The following ZRANB1 variants were observed in gnomAD, a reference collection of about 807,000 sequenced individuals.
ZRANB1 encodes ubiquitin thioesterase ZRANB1.
In ZRANB1, 16 loss-of-function variants were observed where a neutral mutation model predicts 80.5. That is an observed-to-expected ratio of 0.20 (90% CI 0.13 to 0.30). ZRANB1 has a LOEUF of 0.30. ZRANB1 is among the 10% of genes least tolerant of loss of function. The pLI, the probability that ZRANB1 is intolerant of heterozygous loss-of-function variation, is 1.00. For missense variants in ZRANB1, 576 were observed against 862.6 expected (o/e 0.67, Z 4.16); for synonymous variants, 291 against 293.1 (o/e 0.99, Z 0.07).
intron 3 of ZRANB1, 123 bp downstream of exon 3, chr10:124,972,241 T>TA: frequency 1.1e-6 from 1 of 870,194 alleles, no homozygotes; most frequent in South Asian, 1.9e-5. Flanking sequence ...CATCTTAAAT[T>TA]ACTTGACTGT....
rs1952003032 is a variant in ZRANB1 at position 124,985,055 on chromosome 10, G to C, written c.*63G>C. The C allele has an allele frequency of 7.6e-7, 1 of 1,318,072 alleles. No individual in the cohort carries two copies. 81.6% of individuals were successfully genotyped at this position (1,318,072 alleles called of 1,614,324 possible). On this transcript the variant is annotated 3_prime_UTR_variant, in exon 9 of 9. Coordinates refer to ENST00000359653, the MANE Select transcript of ZRANB1 (RefSeq NM_017580.3). ...TCTGTAATGACCCTAAAGTTAGTGTGGTGCTCCAAGCAGAGTCGACATCAT... is the reference window on the plus strand; with the variant it reads ...TCTGTAATGACCCTAAAGTTAGTGTCGTGCTCCAAGCAGAGTCGACATCAT...
In ZRANB1 at chr10:124,983,049, G is replaced by C; in HGVS notation, c.1549-126G>C. The C allele has an allele frequency of 2.2e-6, 2 of 924,476 alleles. No individual in the cohort carries two copies. The highest frequency in any genetic ancestry group is 3.2e-6 in the Non-Finnish European group (2 of 633,490). 57.3% of individuals were successfully genotyped at this position (924,476 alleles called of 1,614,324 possible). On this transcript the variant is annotated intron_variant, in intron 6 of 8. Transcript: ENST00000359653. The surrounding 1 kb of genome is among the most constrained non-coding windows in gnomAD (Gnocchi z 6.2). ...TATTTGAGGAATCAAATGCTGCTTTGACAATCTTTTCTTTCTTAAAAACCA... is the reference window on the plus strand; with the variant it reads ...TATTTGAGGAATCAAATGCTGCTTTCACAATCTTTTCTTTCTTAAAAACCA...
intron 5 of ZRANB1, among the ~76,000 whole-genome samples, chr10:124,975,944 G>T (rs1198939920): frequency 1.3e-5 from 2 of 152,226 alleles, no homozygotes; most frequent in East Asian, 3.9e-4. Flanking sequence ...AGAGGAGGTT[G>T]CAGCGAGCCA....
At chr10:124,952,198 A>G (rs74333322) in intron 1 of ZRANB1, among the ~76,000 whole-genome samples, 90 of 152,250 alleles carry the variant, frequency 5.9e-4, no homozygotes, top group Non-Finnish European at 9.4e-4. Flanking sequence ...TGAGTATGCC[A>G]CCTTACGTGG....
Position 124,942,443 on chromosome 10 carries a change from C to T in ZRANB1, c.-51C>T. On this transcript the variant is annotated 5_prime_UTR_variant, in exon 1 of 9. Transcript: ENST00000359653. The stretch of plus-strand genomic sequence containing the variant: ...ATGTAGTTATTTTAATAACCATGTC[C>T]TAATTATTTATAGCTTCCTGCCTGA... 1 of 1,607,186 alleles carries T rather than the reference C, an allele frequency of 6.2e-7. No individual in the cohort carries two copies. The highest frequency in any genetic ancestry group is 1.1e-5 in the South Asian group (1 of 90,714).
chr10:124,978,736 C>T (rs1951903478), intron 5 of ZRANB1, among the ~76,000 whole-genome samples: 3 of 151,734 alleles, frequency 2.0e-5, no homozygotes, highest in South Asian at 2.1e-4. Context: ...AAGCAATTCT[C>T]CCACCTCAGC....
chr10:124,986,176 TAAA>T lies in ZRANB1; in HGVS notation c.*1187_*1189del, dbSNP rs746335710. On this transcript the variant is annotated 3_prime_UTR_variant, in exon 9 of 9. Coordinates refer to ENST00000359653, the MANE Select transcript of ZRANB1 (RefSeq NM_017580.3). ...CTTCAGGTATACATTCAATACTGGG[TAAA>T]AATTTCAGACCTATCTCAGGAACAC... is the stretch of plus-strand genomic sequence containing the variant. 23 of 152,556 alleles carry T rather than the reference TAAA, an allele frequency of 1.5e-4. No homozygotes were observed. The highest frequency in any genetic ancestry group is 3.1e-4 in the Non-Finnish European group (21 of 68,020). 9.5% of individuals were successfully genotyped at this position (152,556 alleles called of 1,614,324 possible).
the ZRANB1 span, among the ~76,000 whole-genome samples, chr10:124,929,814 C>T: frequency 6.6e-6 from 1 of 151,786 alleles, no homozygotes; most frequent in African/African-American, 2.4e-5. Context: ...GGTTTGGTGG[C>T]ACACGCCTGT....
chr10:124,931,987 A>G, the ZRANB1 span, among the ~76,000 whole-genome samples: 1 of 152,072 alleles, frequency 6.6e-6, no homozygotes. Flanking sequence ...CCTTCCCTCT[A>G]ACTCTTGCAA....
At chr10:124,984,725 C>G (rs376988630) in intron 8 of ZRANB1, 49 bp from the exon 9 acceptor site, 1 of 1,570,040 alleles carries the variant, frequency 6.4e-7, no homozygotes, top group Non-Finnish European at 8.7e-7. Context: ...CCTACCAAGT[C>G]TCTGATCTGT....
the ZRANB1 span, among the ~76,000 whole-genome samples, chr10:124,923,060 G>A: frequency 1.3e-5 from 2 of 151,928 alleles, no homozygotes; most frequent in East Asian, 2.0e-4. Flanking sequence ...AGGCCTAGGC[G>A]GGTAGATCAC....
chr10:124,926,199 T>G, the ZRANB1 span, among the ~76,000 whole-genome samples: 1 of 152,358 alleles, frequency 6.6e-6, no homozygotes, highest in East Asian at 1.9e-4. Context: ...AGGACATTAC[T>G]ATACACCACT....
rs58255988 is a variant in ZRANB1, at chr10:124,986,291, G to GCACACACACACACACACACACACA, written c.*1308_*1331dup. 2 of 116,020 alleles carry GCACACACACACACACACACACACA rather than the reference G, an allele frequency of 1.7e-5. No individual in the cohort carries two copies. The highest frequency in any genetic ancestry group is 6.6e-5 in the African/African-American group (2 of 30,496). 7.2% of individuals were successfully genotyped at this position (116,020 alleles called of 1,614,324 possible). ...AGACGACACACGCACGCGCGCGCGCGCACACACACACACACACACACACAC... is the reference window on the plus strand; with the variant it reads ...AGACGACACACGCACGCGCGCGCGCGCACACACACACACACACACACACACACACACACACACACACACACACAC... On this transcript the variant is annotated 3_prime_UTR_variant, in exon 9 of 9. Coordinates refer to ENST00000359653, the MANE Select transcript of ZRANB1 (RefSeq NM_017580.3).
the ZRANB1 span, among the ~76,000 whole-genome samples, chr10:124,925,278 G>T: frequency 4.7e-5 from 7 of 148,716 alleles, no homozygotes; most frequent in Non-Finnish European, 9.0e-5. Flanking sequence ...GTTATTGTCT[G>T]TTTTTTTTTT....
the ZRANB1 span, among the ~76,000 whole-genome samples, chr10:124,922,281 A>AATATATATATATATATATAT: frequency 1.6e-4 from 14 of 87,434 alleles, no homozygotes; most frequent in African/African-American, 6.0e-4. Flanking sequence ...ATATATGTAA[A>AATATATATATATATATATAT]ATATATATAT....
At chr10:124,928,308 G>A in the ZRANB1 span, among the ~76,000 whole-genome samples, 1 of 152,176 alleles carries the variant, frequency 6.6e-6, no homozygotes, top group Non-Finnish European at 1.5e-5. Flanking sequence ...GGTTGGAAAG[G>A]CACTCTTAGC....
chr10:124,962,119 T>G lies in ZRANB1; in HGVS notation c.815-4475T>G, dbSNP rs1364499707. On this transcript the variant is annotated intron_variant, in intron 1 of 8. Coordinates refer to ENST00000359653, the MANE Select transcript of ZRANB1 (RefSeq NM_017580.3). ...GGTTCAGGATTAAACTATAGCCAAA[T>G]GCTTATGATATAAAAAAGTATTACT... Among the ~76,000 whole-genome samples, 3 of 152,244 alleles carry G rather than the reference T, an allele frequency of 2.0e-5. No homozygotes were observed. The South Asian group carries it at 6.2e-4, about 31-fold the overall frequency.
At chr10:124,940,419 A>G, upstream of ZRANB1, 2 of 981,852 alleles carry the variant, frequency 2.0e-6, no homozygotes, top group South Asian at 1.4e-5. Context: ...GTTTTGCAGT[A>G]TCTCCTGAGG....
the ZRANB1 span, among the ~76,000 whole-genome samples, chr10:124,923,398 C>G: frequency 6.6e-6 from 1 of 150,776 alleles, no homozygotes; most frequent in East Asian, 1.9e-4. Flanking sequence ...TCGAGACCAA[C>G]CTGACCAACA....
Sources: allele counts gnomAD v4.1 joint callset (sites outside exome capture counted in the v4.1 genomes callset), GRCh38; gene constraint gnomAD v4.1.1; non-coding constraint Gnocchi (gnomAD v3.1); transcripts MANE v1.5; gene names NCBI Gene and HGNC (gene_info 2026-07-23, HGNC 2026-07-21).